The following ECRG4 variants were observed in gnomAD, a reference collection of about 807,000 sequenced individuals.
ECRG4 encodes the protein ECRG4 augurin precursor.
ECRG4 carries 18 observed loss-of-function variants against 15.8 expected under a neutral mutation model. That is an observed-to-expected ratio of 1.14 (90% CI 0.79 to 1.69). The LOEUF (loss-of-function observed/expected upper bound fraction) is 1.69, where lower values mean the gene tolerates loss of function less well. Ranked by LOEUF, ECRG4 falls within the 40% of genes most tolerant of loss-of-function variation. The pLI is 0.00. For synonymous variants in ECRG4, 82 were observed against 73.9 expected (o/e 1.11, Z -0.56); for missense variants, 200 against 190.9 (o/e 1.05, Z -0.28).
rs532790057 is a variant in ECRG4, at chr2:106,077,848, T to A, written c.369T>A (p.Tyr123Ter). 1.2e-6 allele frequency: 2 copies of A among 1,614,190 alleles called. No homozygotes were observed. The highest frequency in any genetic ancestry group is 1.3e-5 in the African/African-American group (1 of 75,048). Residue 123 changes from tyrosine to a stop codon, truncating the protein, a stop_gained, in exon 4 of 4, where the codon TAT (tyrosine) becomes TAA (stop). Coordinates refer to ENST00000238044, the MANE Select transcript of ECRG4 (RefSeq NM_032411.3). LOFTEE classifies it high-confidence loss of function. ...ATGGCGATTACTACCAACGTCACTA[T>A]GATGAAGACTCTGCAATTGGTCCCC... is the stretch of plus-strand genomic sequence containing the variant. Reference protein sequence around the residue: ...EYYGDYYQRHYDEDSAIGPRS... With the variant: ...EYYGDYYQRH
chr2:106,072,113 C>A (rs1676383183), intron 2 of ECRG4: 1 of 508,190 alleles, frequency 2.0e-6, no homozygotes, highest in Admixed American at 3.4e-5. Context: ...TTTCTGAAAC[C>A]TGTCAGTGTG....
intron 1 of ECRG4, among the ~76,000 whole-genome samples, chr2:106,069,677 A>C (rs947189071): frequency 7.2e-5 from 11 of 151,996 alleles, no homozygotes; most frequent in Non-Finnish European, 1.5e-4. Flanking sequence ...AAATTCCTTT[A>C]ATTTCTTCTC....
At chr2:106,071,163 T>G (rs1285706641) in intron 1 of ECRG4, among the ~76,000 whole-genome samples, 1 of 151,746 alleles carries the variant, frequency 6.6e-6, no homozygotes, top group African/African-American at 2.4e-5. Flanking sequence ...TTCCCCAGTG[T>G]GTGGGAGCCT....
chr2:106,072,050 G>T, intron 2 of ECRG4, 159 bp downstream of exon 2: 1 of 578,542 alleles, frequency 1.7e-6, no homozygotes, highest in Non-Finnish European at 3.1e-6. Flanking sequence ...TTGGTATGTG[G>T]TGTGGTATCT....
In ECRG4 at chr2:106,077,972, T is replaced by A; in HGVS notation, c.*46T>A. The stretch of plus-strand genomic sequence containing the variant: ...TACAAGAAGCAAATAGCGATTCTCT[T>A]CATGTATCTCCTAATGCCTTACACT... On this transcript the variant is annotated 3_prime_UTR_variant, in exon 4 of 4. Coordinates refer to ENST00000238044, the MANE Select transcript of ECRG4 (RefSeq NM_032411.3). 6.3e-7 allele frequency: 1 copy of A among 1,580,042 alleles called. No individual in the cohort carries two copies.
At chr2:106,066,953 C>T (rs1321653711) in intron 1 of ECRG4, among the ~76,000 whole-genome samples, 1 of 150,596 alleles carries the variant, frequency 6.6e-6, no homozygotes, top group Non-Finnish European at 1.5e-5. Flanking sequence ...AGTCATTTCC[C>T]GTTGTATGGT....
At chr2:106,066,535 C>G (rs1676219184) in intron 1 of ECRG4, among the ~76,000 whole-genome samples, 1 of 152,194 alleles carries the variant, frequency 6.6e-6, no homozygotes, top group Non-Finnish European at 1.5e-5. Flanking sequence ...GTGGTTTGTC[C>G]TGAGTTACCA....
chr2:106,072,561 A>C (rs1378483462), intron 2 of ECRG4, among the ~76,000 whole-genome samples: 2 of 152,228 alleles, frequency 1.3e-5, no homozygotes. Flanking sequence ...GTGACCATTT[A>C]GTCAGTTATT....
chr2:106,071,672 T>C (rs1446592750), intron 1 of ECRG4, among the ~76,000 whole-genome samples, 172 bp from the exon 2 acceptor site: 2 of 152,316 alleles, frequency 1.3e-5, no homozygotes, highest in African/African-American at 4.8e-5. Flanking sequence ...GCAGCCTGAA[T>C]TGTTTGTCCT....
intron 1 of ECRG4, among the ~76,000 whole-genome samples, chr2:106,071,382 A>T (rs75460256): frequency 1.3e-5 from 2 of 151,276 alleles, no homozygotes; most frequent in South Asian, 2.1e-4. Context: ...AAAATAAAAA[A>T]AAAATAAAAA....
chr2:106,065,587 C>T, upstream of ECRG4: 2 of 428,532 alleles, frequency 4.7e-6, no homozygotes, highest in Non-Finnish European at 8.0e-6. Flanking sequence ...GTGCGCTGGG[C>T]GCAGCCGCTT....
At position 106,073,382 on chromosome 2, in the gene ECRG4, G is replaced by C. The variant is rs545730494; in HGVS notation, c.128-504G>C. Among the ~76,000 whole-genome samples, 6 of 152,314 alleles carry C rather than the reference G, an allele frequency of 3.9e-5. No homozygotes were observed. In the South Asian group the frequency reaches 1.2e-3, roughly 32 times the overall value. The stretch of plus-strand genomic sequence containing the variant: ...GCCTGGTGTGAGAATCAGCTGTACT[G>C]TTGGGCAGGGTCTGGTCCCTGCTCA... On this transcript the variant is annotated intron_variant, in intron 2 of 3. Coordinates refer to ENST00000238044, the MANE Select transcript of ECRG4 (RefSeq NM_032411.3).
intron 2 of ECRG4, 82 bp downstream of exon 2, chr2:106,071,973 T>A: frequency 8.0e-7 from 1 of 1,246,834 alleles, no homozygotes. Context: ...CTCACTGGAG[T>A]CTTGTATTTG....
In ECRG4 at chr2:106,071,906, A is replaced by G. The variant is rs374845191; in HGVS notation, c.127+15A>G. On this transcript the variant is annotated intron_variant, in intron 2 of 3. Transcript: ENST00000238044. ...AAAACGAGAAGGTAAATATACCCCAAATGGATAAGGGATGCATTCTTAACT... is the reference window on the plus strand; with the variant it reads ...AAAACGAGAAGGTAAATATACCCCAGATGGATAAGGGATGCATTCTTAACT... 33 of 1,606,018 alleles carry G rather than the reference A, an allele frequency of 2.1e-5. No homozygotes were observed. The South Asian group carries it at 2.5e-4, about 12-fold the overall frequency.
intron 3 of ECRG4, among the ~76,000 whole-genome samples, chr2:106,076,979 T>C (rs997062359): frequency 1.3e-5 from 2 of 152,282 alleles, no homozygotes; most frequent in East Asian, 3.9e-4. Context: ...TTAAAAAAAA[T>C]GTATTAATAG....
chr2:106,072,950 A>G (rs1338062354), intron 2 of ECRG4, among the ~76,000 whole-genome samples: 1 of 152,218 alleles, frequency 6.6e-6, no homozygotes, highest in African/African-American at 2.4e-5. Context: ...ATCAAGAAAC[A>G]CATATTGAGC....
intron 3 of ECRG4, among the ~76,000 whole-genome samples, chr2:106,074,698 C>T (rs536673009): frequency 6.6e-6 from 1 of 152,316 alleles, no homozygotes; most frequent in East Asian, 1.9e-4. Context: ...GGGCATCCAT[C>T]CATGGTGACT....
chr2:106,075,696 T>G (rs914255595), intron 3 of ECRG4, among the ~76,000 whole-genome samples: 9 of 151,826 alleles, frequency 5.9e-5, no homozygotes, highest in Admixed American at 5.2e-4. Flanking sequence ...CACTCCAGCC[T>G]GGGCAACAGA....
chr2:106,066,481 G>C (rs1163448942), intron 1 of ECRG4, among the ~76,000 whole-genome samples: 1 of 152,198 alleles, frequency 6.6e-6, no homozygotes, highest in African/African-American at 2.4e-5. Flanking sequence ...ATATCTGATC[G>C]CTGGGCTCCA....
Sources: allele counts gnomAD v4.1 joint callset (sites outside exome capture counted in the v4.1 genomes callset), GRCh38; gene constraint gnomAD v4.1.1; transcripts MANE v1.5; gene names NCBI Gene and HGNC (gene_info 2026-07-23, HGNC 2026-07-21).